Variants in GLIPR2 observed in about 807,000 individuals in gnomAD.
The protein encoded by GLIPR2 is Golgi-associated plant pathogenesis-related protein 1.
In GLIPR2, 21 loss-of-function variants were observed where a neutral mutation model predicts 20.4. The ratio of observed to expected loss-of-function variants is 1.03; its 90% CI spans 0.73 to 1.48. GLIPR2 has a LOEUF of 1.48. GLIPR2 is among the 40% of genes most tolerant of loss of function. The pLI, the probability that GLIPR2 is intolerant of heterozygous loss-of-function variation, is 0.00. For synonymous variants in GLIPR2, 91 were observed against 80.5 expected, an observed-to-expected ratio of 1.13 and a Z score of -0.70; for missense variants, 205 against 200.1, an observed-to-expected ratio of 1.02 and a Z score of -0.15.
chr9:36,153,754 A>G (rs969125495), intron 4 of GLIPR2, among the ~76,000 whole-genome samples: 5 of 151,922 alleles, frequency 3.3e-5, no homozygotes, highest in Admixed American at 2.6e-4. Context: ...TACAAAAATT[A>G]GCCGGGTGTG....
At chr9:36,145,462 C>G (rs1419836555) in intron 1 of GLIPR2, among the ~76,000 whole-genome samples, 1 of 152,218 alleles carries the variant, frequency 6.6e-6, no homozygotes, top group Admixed American at 6.5e-5. Context: ...CAACACATGG[C>G]TGACTTGTCT....
At chr9:36,139,509 C>G (rs1824976740) in intron 1 of GLIPR2, among the ~76,000 whole-genome samples, 1 of 152,176 alleles carries the variant, frequency 6.6e-6, no homozygotes, top group Non-Finnish European at 1.5e-5. Context: ...GGTCCTTCAA[C>G]TCAAGCTCAA....
Position 36,136,968 on chromosome 9 carries a change from G to A in GLIPR2, c.13+177G>A, listed in dbSNP as rs1398455635. On this transcript the variant is annotated intron_variant, in intron 1 of 4. Transcript: ENST00000377960. The surrounding 1 kb of genome is among the most constrained non-coding windows in gnomAD (Gnocchi z 4.3). ...TTTCCGGGGAACCCGGGGGGAAGGC[G>A]AGCCCGAGGGAGGCCCCCGCCGGAG... 1.2e-5 allele frequency: 8 copies of A among 660,940 alleles called. No homozygotes were observed. The highest frequency in any genetic ancestry group is 1.9e-5 in the African/African-American group (1 of 53,340). The allele number at this position is 660,940 out of a possible 1,614,324, so 40.9% of individuals were successfully genotyped here.
At chr9:36,162,158 G>A in intron 4 of GLIPR2, 1 of 1,316,346 alleles carries the variant, frequency 7.6e-7, no homozygotes, top group Non-Finnish European at 1.0e-6. Flanking sequence ...CTGGGTTACA[G>A]AGCGAGACTC....
At position 36,161,696 on chromosome 9, in the gene GLIPR2, T is replaced by G. The variant is rs138697929; in HGVS notation, c.305-666T>G. Reference sequence around the variant, plus strand: ...TAGGAAGTGTTCCTCAGGTGTCAAGTAAGATGAAGACAAAAGGGGATCACT... The same window carrying G: ...TAGGAAGTGTTCCTCAGGTGTCAAGGAAGATGAAGACAAAAGGGGATCACT... On this transcript the variant is annotated intron_variant, in intron 4 of 4. Transcript: ENST00000377960. Among the ~76,000 whole-genome samples the G allele has an allele frequency of 2.6e-3, 402 of 152,206 alleles. 3 individuals carry two copies. The highest frequency in any genetic ancestry group is 8.9e-3 in the African/African-American group (371 of 41,536).
rs145277224 is a variant in GLIPR2, at chr9:36,148,573, G to C, written c.149G>C (p.Arg50Thr). 4 of 1,613,972 alleles carry C rather than the reference G, an allele frequency of 2.5e-6. No homozygotes were observed. The highest frequency in any genetic ancestry group is 3.4e-6 in the Non-Finnish European group (4 of 1,179,818). ...QQYSEALAST[R>T]ILKHSPESSR... ...TATTCTGAGGCCCTGGCCAGCACGA[G>C]GATCCTCAAGCACAGCCCGGAGTCC... is the stretch of plus-strand genomic sequence containing the variant. Residue 50 changes from arginine to threonine, a missense_variant, in exon 3 of 5, where the codon AGG becomes ACG. Transcript: ENST00000377960.
intron 3 of GLIPR2, among the ~76,000 whole-genome samples, chr9:36,149,522 G>A (rs982675037): frequency 6.6e-6 from 1 of 152,008 alleles, no homozygotes; most frequent in African/African-American, 2.4e-5. Flanking sequence ...CCCAAGTCCA[G>A]GCTGTGGCCC....
intron 4 of GLIPR2, among the ~76,000 whole-genome samples, chr9:36,157,322 C>T (rs116539577): frequency 0.021 from 3,232 of 150,934 alleles, 117 homozygotes; most frequent in African/African-American, 0.074. Flanking sequence ...TCCACCACAC[C>T]CAGTCTCTTT....
intron 3 of GLIPR2, among the ~76,000 whole-genome samples, chr9:36,150,103 G>C (rs112273218): frequency 0.015 from 2,322 of 152,310 alleles, 60 homozygotes; most frequent in African/African-American, 0.053. Context: ...CAGTTGGTCT[G>C]AGGAAGGACC....
At chr9:36,151,027 G>A in intron 4 of GLIPR2, 78 bp downstream of exon 4, 1 of 936,556 alleles carries the variant, frequency 1.1e-6, no homozygotes, top group South Asian at 1.3e-5. Flanking sequence ...GGAGGAACCA[G>A]CCCTCTAAAA....
chr9:36,156,273 T>C (rs1825824403), intron 4 of GLIPR2, among the ~76,000 whole-genome samples: 1 of 149,620 alleles, frequency 6.7e-6, no homozygotes, highest in South Asian at 2.1e-4. Context: ...CCTGTGGTCC[T>C]GGTTACAGGA....
chr9:36,143,508 C>G (rs1238262058), intron 1 of GLIPR2, among the ~76,000 whole-genome samples: 2 of 152,210 alleles, frequency 1.3e-5, no homozygotes, highest in Admixed American at 6.5e-5. Context: ...CCTGGACAAC[C>G]CTGCCACTCA....
At chr9:36,158,089 AG>A (rs961936401) in intron 4 of GLIPR2, among the ~76,000 whole-genome samples, 53 of 152,350 alleles carry the variant, frequency 3.5e-4, no homozygotes, top group Non-Finnish European at 5.0e-4. Context: ...CTGGGATTAC[AG>A]GCGTGAGCCA....
intron 4 of GLIPR2, among the ~76,000 whole-genome samples, chr9:36,155,199 T>C (rs1161525480): frequency 6.6e-6 from 1 of 152,262 alleles, no homozygotes; most frequent in South Asian, 2.1e-4. Context: ...TCATGTCAAC[T>C]ATATGGATTC....
intron 1 of GLIPR2, among the ~76,000 whole-genome samples, chr9:36,142,636 C>T (rs1473194356): frequency 6.6e-6 from 1 of 152,290 alleles, no homozygotes; most frequent in Middle Eastern, 3.4e-3. Context: ...CATCCCTGCC[C>T]TTCCCCCATC....
chr9:36,153,576 C>T (rs901202394), intron 4 of GLIPR2, among the ~76,000 whole-genome samples: 16 of 152,118 alleles, frequency 1.1e-4, no homozygotes, highest in African/African-American at 3.9e-4. Flanking sequence ...ATTCCCTGAC[C>T]TGAGTCCTTG....
chr9:36,156,382 G>A (rs866236310), intron 4 of GLIPR2, among the ~76,000 whole-genome samples: 1 of 67,164 alleles, frequency 1.5e-5, no homozygotes, highest in Non-Finnish European at 2.7e-5. Context: ...GTGAAGCCAT[G>A]TCTAAAAAAA....
In GLIPR2 at chr9:36,139,779, C is replaced by T. The variant is rs377088001; in HGVS notation, c.13+2988C>T. Among the ~76,000 whole-genome samples the T allele has an allele frequency of 4.6e-5, 7 of 152,140 alleles. No homozygotes were observed. The South Asian group carries it at 1.0e-3, about 22-fold the overall frequency. On this transcript the variant is annotated intron_variant, in intron 1 of 4. Coordinates refer to ENST00000377960, the MANE Select transcript of GLIPR2 (RefSeq NM_022343.4). ...CTGGCACAGTTGAAATTCCAGAAGACGCTTGGCCTAGTGATCGAAGACTCC... is the reference window on the plus strand; with the variant it reads ...CTGGCACAGTTGAAATTCCAGAAGATGCTTGGCCTAGTGATCGAAGACTCC...
In GLIPR2 at chr9:36,163,807, C is replaced by T. The variant is rs1826169843; in HGVS notation, c.*1285C>T. The T allele has an allele frequency of 6.5e-6, 1 of 152,696 alleles. No homozygotes were observed. Among genetic ancestry groups the T allele is most frequent in the Non-Finnish European group, 1.5e-5 (1 of 68,060 alleles). 9.5% of individuals were successfully genotyped at this position (152,696 alleles called of 1,614,324 possible). A position where few individuals can be genotyped will look rare whatever the true frequency, so the allele number is the denominator to read the frequency against. ...GGGCAGGCCAGTCCTCAAAGCAGCT[C>T]CTGAAGGTCTGTGTTGCACTGTCAC... On this transcript the variant is annotated 3_prime_UTR_variant, in exon 5 of 5. Coordinates refer to ENST00000377960, the MANE Select transcript of GLIPR2 (RefSeq NM_022343.4).
Sources: gnomAD v4.1 joint callset for allele counts (sites outside exome capture counted in the v4.1 genomes callset) on GRCh38, gnomAD v4.1.1 for gene constraint, Gnocchi (gnomAD v3.1) non-coding constraint, MANE v1.5 for transcripts, NCBI Gene and HGNC (gene_info 2026-07-23, HGNC 2026-07-21) for gene names.